The following CACNA2D1 variants were observed in gnomAD, a reference collection of about 807,000 sequenced individuals.
CACNA2D1 encodes the protein calcium voltage-gated channel auxiliary subunit alpha2delta 1, also known as voltage-dependent calcium channel subunit alpha-2/delta-1.
Under a neutral mutation model 171.5 loss-of-function variants are expected in CACNA2D1, and 53 were observed. That is an observed-to-expected ratio of 0.31 (90% CI 0.25 to 0.39). The LOEUF (loss-of-function observed/expected upper bound fraction) is 0.39. Ranked by LOEUF, CACNA2D1 falls within the 10% of genes least tolerant of loss-of-function variation. The pLI, the probability that CACNA2D1 is intolerant of heterozygous loss-of-function variation, is 1.00. For synonymous variants in CACNA2D1, 442 were observed against 443.1 expected, an observed-to-expected ratio of 1.00 and a Z score of 0.03; for missense variants, 903 against 1,299.8, an observed-to-expected ratio of 0.69 and a Z score of 4.69.
At chr7:81,958,037 C>T (rs999394608) in intron 38 of CACNA2D1, among the ~76,000 whole-genome samples, 3 of 151,710 alleles carry the variant, frequency 2.0e-5, no homozygotes, top group Admixed American at 6.6e-5. Context: ...ACATGGGCAA[C>T]GTGCTGAAGT....
rs565649167 is a variant in CACNA2D1, at chr7:82,203,092, G to A, written c.295-32483C>T. On this transcript the variant is annotated intron_variant, in intron 3 of 38. Transcript: ENST00000356860. ...AGACTACGTGCTGCAGCCATGCAGG[G>A]AGTATAAAGCCTTTGCTGTTTGATG... 7.9e-5 allele frequency among the ~76,000 whole-genome samples: 12 copies of A among 152,274 alleles called. No individual in the cohort carries two copies. The South Asian group carries it at 2.3e-3, about 29-fold the overall frequency.
intron 38 of CACNA2D1, among the ~76,000 whole-genome samples, chr7:81,952,137 A>ATAT (rs1792676709): frequency 6.6e-6 from 1 of 151,248 alleles, no homozygotes; most frequent in African/African-American, 2.4e-5. Flanking sequence ...ATTTTTTGAG[A>ATAT]ACTGTCTATT....
At chr7:82,016,607 CCCG>C (rs529407916) in intron 12 of CACNA2D1, among the ~76,000 whole-genome samples, 338 of 4,024 alleles carry the variant, frequency 0.084, 7 homozygotes, top group Middle Eastern at 0.25. Flanking sequence ...ACACTAGCCG[CCCG>C]CCCCCCCCCC....
chr7:82,274,793 T>C (rs1809100574), intron 3 of CACNA2D1, among the ~76,000 whole-genome samples: 1 of 152,160 alleles, frequency 6.6e-6, no homozygotes, highest in African/African-American at 2.4e-5. Flanking sequence ...TTCTAGCTCC[T>C]AAATCAGTGC....
At chr7:82,336,163 G>A (rs1343341846) in intron 2 of CACNA2D1, among the ~76,000 whole-genome samples, 1 of 152,284 alleles carries the variant, frequency 6.6e-6, no homozygotes, top group East Asian at 1.9e-4. Flanking sequence ...ACTGTCTTAT[G>A]AGAAGTGAAT....
intron 1 of CACNA2D1, among the ~76,000 whole-genome samples, chr7:82,395,830 T>C (rs1301166484): frequency 6.6e-6 from 1 of 152,142 alleles, no homozygotes; most frequent in Non-Finnish European, 1.5e-5. Flanking sequence ...ATAATTGGAA[T>C]CAAGCAGACT....
intron 25 of CACNA2D1, among the ~76,000 whole-genome samples, chr7:81,973,465 G>C (rs1359351260): frequency 6.6e-6 from 1 of 151,988 alleles, no homozygotes; most frequent in Non-Finnish European, 1.5e-5. Context: ...TCGAAGTTAA[G>C]AGTCAGCTTT....
intron 3 of CACNA2D1, among the ~76,000 whole-genome samples, chr7:82,197,539 T>C (rs1346000386): frequency 1.3e-5 from 2 of 152,026 alleles, no homozygotes; most frequent in Non-Finnish European, 2.9e-5. Context: ...CAAATGGTCT[T>C]TTTGTTGTAT....
At chr7:82,297,128 C>T (rs6977177) in intron 3 of CACNA2D1, among the ~76,000 whole-genome samples, 66,966 of 147,148 alleles carry the variant, frequency 0.46, 15,924 homozygotes, top group African/African-American at 0.61. Flanking sequence ...ACATCTATAG[C>T]CCCAGCTAAT....
intron 10 of CACNA2D1, among the ~76,000 whole-genome samples, chr7:82,060,164 TAATATATATATATA>T (rs1806491668): frequency 4.8e-5 from 1 of 20,942 alleles, no homozygotes; most frequent in Non-Finnish European, 1.1e-4. Flanking sequence ...TATATATATA[TAATATATATATATA>T]ATATATATAT....
chr7:82,311,256 T>A (rs1388604336), intron 3 of CACNA2D1, among the ~76,000 whole-genome samples: 1 of 152,010 alleles, frequency 6.6e-6, no homozygotes, highest in Non-Finnish European at 1.5e-5. Flanking sequence ...AAATGGTATG[T>A]CTTCAAGGAG....
intron 10 of CACNA2D1, among the ~76,000 whole-genome samples, chr7:82,055,290 T>C (rs75857077): frequency 0.018 from 2,731 of 152,184 alleles, 89 homozygotes; most frequent in African/African-American, 0.061. Context: ...GGCAGTAGCT[T>C]CTGCGTTCCT....
chr7:82,337,620 C>T (rs957909146), intron 2 of CACNA2D1, among the ~76,000 whole-genome samples: 2 of 151,950 alleles, frequency 1.3e-5, no homozygotes, highest in Non-Finnish European at 2.9e-5. Flanking sequence ...CCATTTTGTC[C>T]AATTTCTTTC....
chr7:82,325,583 A>G (rs1050390804), intron 3 of CACNA2D1, among the ~76,000 whole-genome samples: 4 of 152,192 alleles, frequency 2.6e-5, no homozygotes, highest in African/African-American at 9.7e-5. Flanking sequence ...GCTGAGAAAC[A>G]TGATGCAGCC....
intron 1 of CACNA2D1, among the ~76,000 whole-genome samples, chr7:82,403,410 A>G (rs1826665902): frequency 6.6e-6 from 1 of 152,214 alleles, no homozygotes; most frequent in South Asian, 2.1e-4. Context: ...TAAAGTCTCT[A>G]AAAGTAAGGT....
intron 12 of CACNA2D1, among the ~76,000 whole-genome samples, chr7:82,021,502 T>G (rs1164828594): frequency 6.6e-6 from 1 of 152,106 alleles, no homozygotes; most frequent in African/African-American, 2.4e-5. Flanking sequence ...TTTCTAACAT[T>G]TATGAATTTT....
At chr7:82,130,095 T>C (rs1276525852) in intron 5 of CACNA2D1, among the ~76,000 whole-genome samples, 1 of 152,212 alleles carries the variant, frequency 6.6e-6, no homozygotes, top group East Asian at 1.9e-4. Flanking sequence ...AACATTCCTT[T>C]TACAGTTGTG....
Position 82,150,816 on chromosome 7 carries a change from A to T in CACNA2D1, c.355-14140T>A, listed in dbSNP as rs1019909138. Among the ~76,000 whole-genome samples the T allele has an allele frequency of 9.7e-4, 148 of 152,298 alleles. 2 individuals carry two copies. The highest frequency in any genetic ancestry group is 3.4e-3 in the African/African-American group (142 of 41,566). ...ATCTGTACTGCTTCTTTGTAAAAAA[A>T]TTTTGTTAACAGCACAAAGAAAGGA... On this transcript the variant is annotated intron_variant, in intron 4 of 38. Coordinates refer to ENST00000356860, the MANE Select transcript of CACNA2D1 (RefSeq NM_000722.4).
intron 2 of CACNA2D1, among the ~76,000 whole-genome samples, chr7:82,346,578 T>C (rs929104163): frequency 1.3e-5 from 2 of 152,180 alleles, no homozygotes; most frequent in Non-Finnish European, 2.9e-5. Context: ...GTACCATTGT[T>C]AGCAATTATT....
Sources: allele counts gnomAD v4.1 joint callset (sites outside exome capture counted in the v4.1 genomes callset), GRCh38; gene constraint gnomAD v4.1.1; transcripts MANE v1.5; gene names NCBI Gene and HGNC (gene_info 2026-07-23, HGNC 2026-07-21).